OLFM2: variants seen among roughly 807,000 people sequenced by gnomAD.
OLFM2 encodes the protein noelin-2.
In OLFM2, 20 loss-of-function variants were observed where a neutral mutation model predicts 43.9. That is an observed-to-expected ratio of 0.46 (90% CI 0.32 to 0.66). OLFM2 has a LOEUF of 0.66. Ranked by LOEUF, OLFM2 falls within the 30% of genes least tolerant of loss-of-function variation. The probability of loss-of-function intolerance (pLI) is 0.04; values close to 1 mark genes in which losing one functional copy is unlikely to be tolerated. For missense variants in OLFM2, 416 were observed against 643.6 expected (o/e 0.65, Z 3.83); for synonymous variants, 268 against 278.6 (o/e 0.96, Z 0.38).
At position 9,857,784 on chromosome 19, in the gene OLFM2, C is replaced by T; in HGVS notation, c.291G>A (p.Glu97=). 1 of 1,614,162 alleles carries T rather than the reference C, an allele frequency of 6.2e-7. No individual in the cohort carries two copies. The highest frequency in any genetic ancestry group is 8.5e-7 in the Non-Finnish European group (1 of 1,180,034). Residue 97 remains glutamate, a synonymous_variant, in exon 3 of 6, where the codon GAG becomes GAA. Coordinates refer to ENST00000264833, the MANE Select transcript of OLFM2 (RefSeq NM_058164.4). This position sits in a 1 kb window ranked among gnomAD's most constrained non-coding sequence, Gnocchi z 5.7. Reference sequence around the variant, plus strand: ...GCGCATCCAGGCTCCGCATGAGGGTCTCCATGCCGCGTACATACTGGAGGT... The same window carrying T: ...GCGCATCCAGGCTCCGCATGAGGGTTTCCATGCCGCGTACATACTGGAGGT... ...YRDLQYVRGM[E]TLMRSLDARL... is the part of the protein sequence containing the mutation.
intron 1 of OLFM2, among the ~76,000 whole-genome samples, chr19:9,862,070 G>A (rs2046369188): frequency 6.6e-6 from 1 of 151,236 alleles, no homozygotes; most frequent in South Asian, 2.1e-4. Flanking sequence ...AGTCTCTTCT[G>A]TCCCAGGCAT....
chr19:9,856,912 G>T lies in OLFM2; in HGVS notation c.582C>A (p.Gly194=). The change falls in exon 5 of 6, where the codon GGC becomes GGA. Residue 194 remains glycine, a splice_region_variant and synonymous_variant. Coordinates refer to ENST00000264833, the MANE Select transcript of OLFM2 (RefSeq NM_058164.4). The surrounding 1 kb of genome is among the most constrained non-coding windows in gnomAD (Gnocchi z 4.0). The part of the protein sequence containing the change: ...ARLHACAQKL[G]CGKLTGVSNP... ...TACTGACCCCGGTCAGCTTCCCACA[G>T]CCTGGGAGGCAGGAACAGGGGGAAT... 1.2e-6 allele frequency: 2 copies of T among 1,604,412 alleles called. No individual in the cohort carries two copies. Among genetic ancestry groups the T allele is most frequent in the Non-Finnish European group, 1.7e-6 (2 of 1,174,834 alleles).
chr19:9,913,340 C>A, intron 1 of OLFM2: 1 of 369,796 alleles, frequency 2.7e-6, no homozygotes, highest in Non-Finnish European at 3.9e-6. Flanking sequence ...AGGGCGTCCC[C>A]TACCCAGGCG....
At chr19:9,906,114 C>T (rs1453665328) in intron 1 of OLFM2, among the ~76,000 whole-genome samples, 1 of 152,152 alleles carries the variant, frequency 6.6e-6, no homozygotes, top group East Asian at 1.9e-4. Flanking sequence ...CATGCTTTCA[C>T]GGGGACCAGG....
chr19:9,867,837 A>T (rs1277205071), intron 1 of OLFM2, among the ~76,000 whole-genome samples: 2 of 152,194 alleles, frequency 1.3e-5, no homozygotes, highest in African/African-American at 4.8e-5. Context: ...GAGGTTCATT[A>T]AGCATTGTTT....
intron 1 of OLFM2, among the ~76,000 whole-genome samples, chr19:9,872,794 C>CCATT (rs61455365): frequency 0.46 from 69,786 of 151,014 alleles, 16,571 homozygotes; most frequent in Admixed American, 0.55. Flanking sequence ...ATCTGTTTAC[C>CCATT]CATTCATTCA....
chr19:9,917,642 G>A (rs1207508553), intron 1 of OLFM2, among the ~76,000 whole-genome samples: 1 of 152,114 alleles, frequency 6.6e-6, no homozygotes, highest in African/African-American at 2.4e-5. Flanking sequence ...CCCTCCAGTA[G>A]CTTTCTGCTG....
At chr19:9,900,605 G>T (rs932838354) in intron 1 of OLFM2, among the ~76,000 whole-genome samples, 3 of 151,954 alleles carry the variant, frequency 2.0e-5, no homozygotes, top group African/African-American at 7.2e-5. Context: ...CGTGATGGGG[G>T]TGGGGAGAGA....
intron 1 of OLFM2, among the ~76,000 whole-genome samples, chr19:9,861,145 C>T (rs1057332134): frequency 6.6e-6 from 1 of 151,908 alleles, no homozygotes; most frequent in Non-Finnish European, 1.5e-5. Context: ...GACCTCCTCT[C>T]TGCTTCCCCA....
At position 9,931,615 on chromosome 19, in the gene OLFM2, C is replaced by G. The variant is rs535806424; in HGVS notation, c.63+4689G>C. Among the ~76,000 whole-genome samples, 17 of 148,382 alleles carry G rather than the reference C, an allele frequency of 1.1e-4. No homozygotes were observed. In the South Asian group the frequency reaches 3.6e-3, roughly 31 times the overall value. ...ACTCGGGAGGCTGAGGCACTAGAAT[C>G]TCTTGAGCCCGGGAGGCAGAGGTTG... On this transcript the variant is annotated intron_variant, in intron 1 of 5. Transcript: ENST00000264833.
intron 1 of OLFM2, among the ~76,000 whole-genome samples, chr19:9,893,729 G>A (rs2046657528): frequency 6.6e-6 from 1 of 152,132 alleles, no homozygotes; most frequent in African/African-American, 2.4e-5. Context: ...CTGTGTCTCA[G>A]GATTAATGAG....
At position 9,854,269 on chromosome 19, in the gene OLFM2, C is replaced by T. The variant is rs1223842673; in HGVS notation, c.1282G>A (p.Ala428Thr). Residue 428 changes from alanine to threonine, a missense_variant, in exon 6 of 6, where the codon GCC becomes ACC. Transcript: ENST00000264833. This position sits in a 1 kb window ranked among gnomAD's most constrained non-coding sequence, Gnocchi z 9.5. Reference protein sequence around the residue: ...SMLDYNPRERALYTWNNGHQV... With the variant: ...SMLDYNPRERTLYTWNNGHQV... ...TGGCCGTTGTTCCAGGTATAGAGGG[C>T]GCGCTCCCGGGGGTTGTAATCCAGC... is the stretch of plus-strand genomic sequence containing the variant. The T allele has an allele frequency of 8.1e-6, 13 of 1,613,930 alleles. No individual in the cohort carries two copies. The Admixed American group carries it at 8.3e-5, about 10-fold the overall frequency.
rs764858983 is a variant in OLFM2 at position 9,857,502 on chromosome 19, C to T, written c.361-20G>A. The stretch of plus-strand genomic sequence containing the variant: ...CAGCTCCTGTGCATCAAGATGGAAC[C>T]ATGGCCAAGCCTGACCCCTGGCCTT... On this transcript the variant is annotated intron_variant, in intron 3 of 5. Transcript: ENST00000264833. This position sits in a 1 kb window ranked among gnomAD's most constrained non-coding sequence, Gnocchi z 5.7. 6.2e-7 allele frequency: 1 copy of T among 1,611,552 alleles called. No individual in the cohort carries two copies. The highest frequency in any genetic ancestry group is 1.1e-5 in the South Asian group (1 of 90,912).
chr19:9,854,266 G>C lies in OLFM2; in HGVS notation c.1285C>G (p.Leu429Val), dbSNP rs1412156452. 1 of 1,614,012 alleles carries C rather than the reference G, an allele frequency of 6.2e-7. No individual in the cohort carries two copies. Among genetic ancestry groups the C allele is most frequent in the Admixed American group, 1.7e-5 (1 of 60,008 alleles). The change falls in exon 6 of 6, where the codon CTC becomes GTC. Residue 429 changes from leucine (L) to valine (V), a missense_variant. Coordinates refer to ENST00000264833, the MANE Select transcript of OLFM2 (RefSeq NM_058164.4). This position sits in a 1 kb window ranked among gnomAD's most constrained non-coding sequence, Gnocchi z 9.5. ...MLDYNPRERALYTWNNGHQVL... is the reference protein window; with the variant it reads ...MLDYNPRERAVYTWNNGHQVL... ...TGGTGGCCGTTGTTCCAGGTATAGA[G>C]GGCGCGCTCCCGGGGGTTGTAATCC...
At chr19:9,904,851 T>C (rs927892536) in intron 1 of OLFM2, among the ~76,000 whole-genome samples, 1 of 151,746 alleles carries the variant, frequency 6.6e-6, no homozygotes, top group Non-Finnish European at 1.5e-5. Flanking sequence ...GAGCTCCATC[T>C]CTATGCAAAA....
intron 1 of OLFM2, among the ~76,000 whole-genome samples, chr19:9,919,387 C>G (rs1015479830): frequency 6.6e-6 from 1 of 152,018 alleles, no homozygotes; most frequent in African/African-American, 2.4e-5. Context: ...AGGATGGTCT[C>G]GATCTCCTGA....
At chr19:9,932,454 CA>C (rs74178225) in intron 1 of OLFM2, among the ~76,000 whole-genome samples, 3,362 of 95,850 alleles carry the variant, frequency 0.035, 59 homozygotes, top group African/African-American at 0.08. Flanking sequence ...GACTCAGTCT[CA>C]AAAAAAAAAA....
At chr19:9,862,023 G>GA (rs3075649) in intron 1 of OLFM2, among the ~76,000 whole-genome samples, 216 of 120,366 alleles carry the variant, frequency 1.8e-3, no homozygotes, top group African/African-American at 6.0e-3. Context: ...CCGTCTCAAA[G>GA]AAAAAAAAAA....
chr19:9,867,113 G>A (rs2046407620), intron 1 of OLFM2, among the ~76,000 whole-genome samples: 1 of 152,304 alleles, frequency 6.6e-6, no homozygotes, highest in African/African-American at 2.4e-5. Flanking sequence ...GCTCACGCCT[G>A]TAATCCCAGC....
Sources: allele counts gnomAD v4.1 joint callset (sites outside exome capture counted in the v4.1 genomes callset), GRCh38; gene constraint gnomAD v4.1.1; non-coding constraint Gnocchi (gnomAD v3.1); transcripts MANE v1.5; gene names NCBI Gene and HGNC (gene_info 2026-07-23, HGNC 2026-07-21).